The following ZBTB42 variants were observed in gnomAD, a reference collection of about 807,000 sequenced individuals.
The protein encoded by ZBTB42 is zinc finger and BTB domain-containing protein 42.
A neutral mutation model predicts 4.7 loss-of-function variants in ZBTB42; 3 were observed. That is an observed-to-expected ratio of 0.64 (90% CI 0.29 to 1.66). ZBTB42 has a LOEUF of 1.66. Ranked by LOEUF, ZBTB42 falls within the 40% of genes most tolerant of loss-of-function variation. ZBTB42 has a pLI of 0.10. For synonymous variants in ZBTB42, 255 were observed against 259.5 expected (o/e 0.98, Z 0.17); for missense variants, 521 against 577.1 (o/e 0.90, Z 1.00).
Position 104,804,266 on chromosome 14 carries a change from G to A in ZBTB42, c.*1800G>A, listed in dbSNP as rs1894123474. ...CACTGCCACCCAAGCACGGAGATGT[G>A]GCCGCGGCACTGGGTCCCCCAGTGG... On this transcript the variant is annotated 3_prime_UTR_variant, in exon 1 of 1. Coordinates refer to ENST00000342537, the MANE Select transcript of ZBTB42 (RefSeq NM_001137601.3). The A allele has an allele frequency of 6.0e-6, 1 of 166,816 alleles. No homozygotes were observed. Among genetic ancestry groups the A allele is most frequent in the Non-Finnish European group, 1.5e-5 (1 of 68,116 alleles). 10.3% of individuals were successfully genotyped at this position (166,816 alleles called of 1,614,324 possible).
Position 104,801,250 on chromosome 14 carries a change from G to A in ZBTB42, c.53G>A (p.Arg18His), listed in dbSNP as rs748754870. 6.0e-6 allele frequency: 9 copies of A among 1,490,454 alleles called. No homozygotes were observed. Among genetic ancestry groups the A allele is most frequent in the Non-Finnish European group, 8.0e-6 (9 of 1,122,660 alleles). The allele number at this position is 1,490,454 out of a possible 1,614,324, so 92.3% of individuals were successfully genotyped here. A position where few individuals can be genotyped will look rare whatever the true frequency, so the allele number is the denominator to read the frequency against. Residue 18 changes from arginine to histidine, a missense_variant, in exon 1 of 1, where the codon CGC becomes CAC. Transcript: ENST00000342537. The surrounding 1 kb of genome is among the most constrained non-coding windows in gnomAD (Gnocchi z 4.4). ...CTGCTGGGCCGCCTGAGACAGCAGC[G>A]CGAGCTGGGCTTCCTATGCGACTGC... ...GRLLGRLRQQ[R>H]ELGFLCDCTV...
In ZBTB42 at chr14:104,802,618, C is replaced by A; in HGVS notation, c.*152C>A. On this transcript the variant is annotated 3_prime_UTR_variant, in exon 1 of 1. Transcript: ENST00000342537. This position sits in a 1 kb window ranked among gnomAD's most constrained non-coding sequence, Gnocchi z 5.9. The stretch of plus-strand genomic sequence containing the variant: ...CTGGCAGAGAGAATGCTGCCTCTTC[C>A]TGGAACTTGGCCTCAGACTCGGTAA... 1 of 1,207,734 alleles carries A rather than the reference C, an allele frequency of 8.3e-7. No individual in the cohort carries two copies. 74.8% of individuals were successfully genotyped at this position (1,207,734 alleles called of 1,614,324 possible).
In ZBTB42 at chr14:104,802,587, A is replaced by G; in HGVS notation, c.*121A>G. ...GTCCCTGCTTGGGCCAGATGGCTCC[A>G]CCCTCCTGGCAGAGAGAATGCTGCC... On this transcript the variant is annotated 3_prime_UTR_variant, in exon 1 of 1. Transcript: ENST00000342537. The surrounding 1 kb of genome is among the most constrained non-coding windows in gnomAD (Gnocchi z 5.9). The G allele has an allele frequency of 7.2e-7, 1 of 1,386,206 alleles. No individual in the cohort carries two copies. The highest frequency in any genetic ancestry group is 1.5e-5 in the South Asian group (1 of 66,680). The allele number at this position is 1,386,206 out of a possible 1,614,324, so 85.9% of individuals were successfully genotyped here. A position where few individuals can be genotyped will look rare whatever the true frequency, so the allele number is the denominator to read the frequency against.
In ZBTB42 at chr14:104,801,378, C is replaced by G. The variant is rs570148369; in HGVS notation, c.181C>G (p.Arg61Gly). Residue 61 changes from arginine (R) to glycine (G), a missense_variant, in exon 1 of 1, where the codon CGC becomes GGC. Transcript: ENST00000342537. The surrounding 1 kb of genome is among the most constrained non-coding windows in gnomAD (Gnocchi z 4.4). ...LFYRDRPAGS[R>G]DTVRLNGDIV... ...CTACAGGGACCGGCCCGCGGGCAGT[C>G]GCGACACGGTGCGGCTCAACGGCGA... is the stretch of plus-strand genomic sequence containing the variant. 1.3e-5 allele frequency: 20 copies of G among 1,546,654 alleles called. No individual in the cohort carries two copies. Among genetic ancestry groups the G allele is most frequent in the South Asian group, 1.2e-5 (1 of 83,754 alleles).
Position 104,801,355 on chromosome 14 carries a change from A to G in ZBTB42, c.158A>G (p.Tyr53Cys). 1.9e-6 allele frequency: 3 copies of G among 1,548,020 alleles called. No homozygotes were observed. The highest frequency in any genetic ancestry group is 2.6e-6 in the Non-Finnish European group (3 of 1,145,906). Reference protein sequence around the residue: ...AACSVYFHLFYRDRPAGSRDT... With the variant: ...AACSVYFHLFCRDRPAGSRDT... ...TGCAGCGTCTACTTCCATCTCTTCT[A>G]CAGGGACCGGCCCGCGGGCAGTCGC... is the stretch of plus-strand genomic sequence containing the variant. Residue 53 changes from tyrosine (Y) to cysteine (C), a missense_variant, in exon 1 of 1, where the codon TAC (tyrosine) becomes TGC (cysteine). Physicochemically the swap from Tyr to Cys is radical, Grantham distance 194. Coordinates refer to ENST00000342537, the MANE Select transcript of ZBTB42 (RefSeq NM_001137601.3). The surrounding 1 kb of genome is among the most constrained non-coding windows in gnomAD (Gnocchi z 4.4).
At chr14:104,800,949 G>A (rs1297268621), upstream of ZBTB42, 1 of 391,184 alleles carries the variant, frequency 2.6e-6, no homozygotes, top group Admixed American at 4.6e-5. This position sits in a 1 kb window ranked among gnomAD's most constrained non-coding sequence, Gnocchi z 5.3. Context: ...ACGCGCGCAG[G>A]TTTGCGCGGC....
At position 104,801,367 on chromosome 14, in the gene ZBTB42, C is replaced by T. The variant is rs1269548008; in HGVS notation, c.170C>T (p.Pro57Leu). 1 of 1,547,382 alleles carries T rather than the reference C, an allele frequency of 6.5e-7. No individual in the cohort carries two copies. The highest frequency in any genetic ancestry group is 1.4e-5 in the African/African-American group (1 of 73,088). The change falls in exon 1 of 1, where the codon CCC (proline) becomes CTC (leucine). Residue 57 changes from proline to leucine, a missense_variant. By Grantham distance (98) the Pro-to-Leu change is moderately conservative (BLOSUM62 -3). Transcript: ENST00000342537. This position sits in a 1 kb window ranked among gnomAD's most constrained non-coding sequence, Gnocchi z 4.4. ...VYFHLFYRDRPAGSRDTVRLN... is the reference protein window; with the variant it reads ...VYFHLFYRDRLAGSRDTVRLN... The stretch of plus-strand genomic sequence containing the variant: ...TTCCATCTCTTCTACAGGGACCGGC[C>T]CGCGGGCAGTCGCGACACGGTGCGG...
chr14:104,802,375 G>C lies in ZBTB42; in HGVS notation c.1178G>C (p.Arg393Pro). ...VHTREKPHAC[R>P]WCERRFTQSG... ...ACTCGAGAGAAGCCGCATGCCTGCC[G>C]GTGGTGTGAGCGCCGTTTCACGCAG... The change falls in exon 1 of 1, where the codon CGG becomes CCG. Residue 393 changes from arginine to proline, a missense_variant. Transcript: ENST00000342537. This position sits in a 1 kb window ranked among gnomAD's most constrained non-coding sequence, Gnocchi z 5.9. 1 of 1,550,714 alleles carries C rather than the reference G, an allele frequency of 6.4e-7. No homozygotes were observed. Among genetic ancestry groups the C allele is most frequent in the Non-Finnish European group, 8.7e-7 (1 of 1,147,074 alleles).
In ZBTB42 at chr14:104,802,489, G is replaced by A. The variant is rs1296435245; in HGVS notation, c.*23G>A. The A allele has an allele frequency of 3.3e-6, 5 of 1,538,000 alleles. No homozygotes were observed. In the East Asian group the frequency reaches 7.4e-5, roughly 23 times the overall value. On this transcript the variant is annotated 3_prime_UTR_variant, in exon 1 of 1. Transcript: ENST00000342537. The surrounding 1 kb of genome is among the most constrained non-coding windows in gnomAD (Gnocchi z 5.9). ...TGATGCATCCCTGTGGGTCCTGAGG[G>A]TGGGGTGGAAGGGAAGGGATGGGCC...
Position 104,801,531 on chromosome 14 carries a change from A to C in ZBTB42, c.334A>C (p.Lys112Gln), listed in dbSNP as rs1309736470. Residue 112 changes from lysine (K) to glutamine (Q), a missense_variant, in exon 1 of 1, where the codon AAG becomes CAG. Physicochemically the swap from Lys to Gln is moderately conservative, Grantham distance 53 (BLOSUM62 1). Transcript: ENST00000342537. This position sits in a 1 kb window ranked among gnomAD's most constrained non-coding sequence, Gnocchi z 4.4. Reference protein sequence around the residue: ...ASYLHMYDIVKVCKGRLQEKD... With the variant: ...ASYLHMYDIVQVCKGRLQEKD... ...CTACCTGCACATGTATGACATCGTCAAGGTCTGCAAGGGCAGGCTCCAGGA... is the reference window on the plus strand; with the variant it reads ...CTACCTGCACATGTATGACATCGTCCAGGTCTGCAAGGGCAGGCTCCAGGA... 6 of 1,550,150 alleles carry C rather than the reference A, an allele frequency of 3.9e-6. No homozygotes were observed. The highest frequency in any genetic ancestry group is 5.2e-6 in the Non-Finnish European group (6 of 1,146,900).
rs759785618 is a variant in ZBTB42 at position 104,801,348 on chromosome 14, C to T, written c.151C>T (p.Leu51Phe). Residue 51 changes from leucine (L) to phenylalanine (F), a missense_variant, in exon 1 of 1, where the codon CTC becomes TTC. By Grantham distance (22) the Leu-to-Phe change is conservative. Transcript: ENST00000342537. This position sits in a 1 kb window ranked among gnomAD's most constrained non-coding sequence, Gnocchi z 4.4. ...GGCCGCGTGCAGCGTCTACTTCCATCTCTTCTACAGGGACCGGCCCGCGGG... is the reference window on the plus strand; with the variant it reads ...GGCCGCGTGCAGCGTCTACTTCCATTTCTTCTACAGGGACCGGCCCGCGGG... ...VLAACSVYFHLFYRDRPAGSR... is the reference protein window; with the variant it reads ...VLAACSVYFHFFYRDRPAGSR... 4.8e-5 allele frequency: 74 copies of T among 1,548,594 alleles called. No homozygotes were observed. The African/African-American group carries it at 9.3e-4, about 19-fold the overall frequency.
rs1358749890 is a variant in ZBTB42, at chr14:104,804,001, G to A, written c.*1535G>A. 2.4e-5 allele frequency: 4 copies of A among 166,678 alleles called. No homozygotes were observed. The highest frequency in any genetic ancestry group is 7.2e-5 in the African/African-American group (3 of 41,456). The allele number at this position is 166,678 out of a possible 1,614,324, so 10.3% of individuals were successfully genotyped here. ...CTGGGTGCCAGCCTGGGAGCCCAGC[G>A]CTTCTGGGTGATGCCCCAGGGCTCA... On this transcript the variant is annotated 3_prime_UTR_variant, in exon 1 of 1. Coordinates refer to ENST00000342537, the MANE Select transcript of ZBTB42 (RefSeq NM_001137601.3).
Position 104,803,071 on chromosome 14 carries a change from T to TG in ZBTB42, c.*616dup, listed in dbSNP as rs796904752. The stretch of plus-strand genomic sequence containing the variant: ...TCTGGGCACAGCTGGTGTCTCGGGG[T>TG]GGGGGGGGGGGTGCAGCCCCAGCAG... On this transcript the variant is annotated 3_prime_UTR_variant, in exon 1 of 1. Transcript: ENST00000342537. 36,095 of 77,614 alleles carry TG rather than the reference T, an allele frequency of 0.47. 8,607 individuals carry two copies. Among genetic ancestry groups the TG allele is most frequent in the Non-Finnish European group, 0.57 (22,391 of 39,262 alleles). The allele number at this position is 77,614 out of a possible 1,614,324, so 4.8% of individuals were successfully genotyped here.
In ZBTB42 at chr14:104,801,534, G is replaced by A; in HGVS notation, c.337G>A (p.Val113Ile). The A allele has an allele frequency of 1.3e-6, 2 of 1,550,210 alleles. No homozygotes were observed. Among genetic ancestry groups the A allele is most frequent in the Non-Finnish European group, 1.7e-6 (2 of 1,146,910 alleles). Reference protein sequence around the residue: ...SYLHMYDIVKVCKGRLQEKDR... With the variant: ...SYLHMYDIVKICKGRLQEKDR... The stretch of plus-strand genomic sequence containing the variant: ...CCTGCACATGTATGACATCGTCAAG[G>A]TCTGCAAGGGCAGGCTCCAGGAGAA... Residue 113 changes from valine to isoleucine, a missense_variant, in exon 1 of 1, where the codon GTC becomes ATC. Transcript: ENST00000342537. This position sits in a 1 kb window ranked among gnomAD's most constrained non-coding sequence, Gnocchi z 4.4.
chr14:104,804,621 T>C lies in ZBTB42; in HGVS notation c.*2155T>C, dbSNP rs1595274957. 1 of 166,782 alleles carries C rather than the reference T, an allele frequency of 6.0e-6. No homozygotes were observed. Among genetic ancestry groups the C allele is most frequent in the African/African-American group, 2.4e-5 (1 of 41,408 alleles). The allele number at this position is 166,782 out of a possible 1,614,324, so 10.3% of individuals were successfully genotyped here. A position where few individuals can be genotyped will look rare whatever the true frequency, so the allele number is the denominator to read the frequency against. Reference sequence around the variant, plus strand: ...CCGTGCTAACCCCAGCAGACAGTTGTTGGTGCACAGTGTCTAGGAGGCGTG... The same window carrying C: ...CCGTGCTAACCCCAGCAGACAGTTGCTGGTGCACAGTGTCTAGGAGGCGTG... On this transcript the variant is annotated 3_prime_UTR_variant, in exon 1 of 1. Coordinates refer to ENST00000342537, the MANE Select transcript of ZBTB42 (RefSeq NM_001137601.3).
In ZBTB42 at chr14:104,801,252, G is replaced by A. The variant is rs768175624; in HGVS notation, c.55G>A (p.Glu19Lys). 2 of 1,496,122 alleles carry A rather than the reference G, an allele frequency of 1.3e-6. No individual in the cohort carries two copies. Among genetic ancestry groups the A allele is most frequent in the Admixed American group, 2.3e-5 (1 of 43,416 alleles). The allele number at this position is 1,496,122 out of a possible 1,614,324, so 92.7% of individuals were successfully genotyped here. ...GCTGGGCCGCCTGAGACAGCAGCGC[G>A]AGCTGGGCTTCCTATGCGACTGCAC... ...RLLGRLRQQR[E>K]LGFLCDCTVL... The change falls in exon 1 of 1, where the codon GAG (glutamate) becomes AAG (lysine). Residue 19 changes from glutamate (E) to lysine (K), a missense_variant. Glu to Lys is a moderately conservative substitution (Grantham distance 56, BLOSUM62 1). Transcript: ENST00000342537. The surrounding 1 kb of genome is among the most constrained non-coding windows in gnomAD (Gnocchi z 4.4).
chr14:104,801,087 A>G, upstream of ZBTB42: 1 of 1,332,532 alleles, frequency 7.5e-7, no homozygotes, highest in Non-Finnish European at 9.6e-7. This position sits in a 1 kb window ranked among gnomAD's most constrained non-coding sequence, Gnocchi z 4.4. Context: ...TGCGCGCGTC[A>G]CTCCCGCGCC....
At chr14:104,800,702 T>C (rs1486723782), upstream of ZBTB42, 1 of 144,864 alleles carries the variant, frequency 6.9e-6, no homozygotes, top group Non-Finnish European at 1.5e-5. The surrounding 1 kb of genome is among the most constrained non-coding windows in gnomAD (Gnocchi z 5.3). Context: ...GCGGCGGAGG[T>C]GAGCGCTGGG....
Position 104,801,667 on chromosome 14 carries a change from C to A in ZBTB42, c.470C>A (p.Ala157Asp). 6.5e-7 allele frequency: 1 copy of A among 1,550,268 alleles called. No individual in the cohort carries two copies. The highest frequency in any genetic ancestry group is 1.2e-5 in the South Asian group (1 of 84,054). ...GACCTCTGCCCAGCTGCCCGAAAGGCCAAGCTCCCCCCGTTTGGGGTCAAG... is the reference window on the plus strand; with the variant it reads ...GACCTCTGCCCAGCTGCCCGAAAGGACAAGCTCCCCCCGTTTGGGGTCAAG... The part of the protein sequence containing the change: ...TADLCPAARK[A>D]KLPPFGVKAA... Residue 157 changes from alanine (A) to aspartate (D), a missense_variant, in exon 1 of 1, where the codon GCC (alanine) becomes GAC (aspartate). Ala to Asp is a moderately radical substitution (Grantham distance 126, BLOSUM62 -2). Transcript: ENST00000342537. The surrounding 1 kb of genome is among the most constrained non-coding windows in gnomAD (Gnocchi z 4.4).
Sources: gnomAD v4.1 joint callset for allele counts on GRCh38, gnomAD v4.1.1 for gene constraint, Gnocchi (gnomAD v3.1) non-coding constraint, MANE v1.5 for transcripts, NCBI Gene and HGNC (gene_info 2026-07-23, HGNC 2026-07-21) for gene names.